ABI3: variants seen among roughly 807,000 people sequenced by gnomAD.
ABI3 encodes ABI gene family member 3.
In ABI3, 24 loss-of-function variants were observed where a neutral mutation model predicts 37.0. The observed-to-expected ratio is 0.65, with a 90% CI of 0.47 to 0.91. The LOEUF (loss-of-function observed/expected upper bound fraction) is 0.91. Ranked by LOEUF, ABI3 falls within the 40% of genes least tolerant of loss-of-function variation. The probability of loss-of-function intolerance (pLI) is 0.00; values close to 1 mark genes in which losing one functional copy is unlikely to be tolerated. For missense variants in ABI3, 481 were observed against 485.1 expected (o/e 0.99, Z 0.08); for synonymous variants, 220 against 211.8 (o/e 1.04, Z -0.34).
At chr17:49,215,271 G>A (rs993244148) in intron 1 of ABI3, among the ~76,000 whole-genome samples, 3 of 152,192 alleles carry the variant, frequency 2.0e-5, no homozygotes, top group African/African-American at 7.2e-5. Flanking sequence ...AGGGGGAGTG[G>A]TGAAGTTGGA....
At chr17:49,216,823 G>A in intron 2 of ABI3, 125 bp downstream of exon 2, 1 of 1,188,384 alleles carries the variant, frequency 8.4e-7, no homozygotes. Context: ...CAACTCTACA[G>A]CAGAAGGTTG....
chr17:49,222,250 G>A, intron 7 of ABI3, 25 bp downstream of exon 7: 1 of 1,606,372 alleles, frequency 6.2e-7, no homozygotes, highest in Non-Finnish European at 8.5e-7. Context: ...GGACTGAGGG[G>A]CACCGGATCC....
chr17:49,219,495 G>A lies in ABI3; in HGVS notation c.463-45G>A. On this transcript the variant is annotated intron_variant, in intron 3 of 7. Transcript: ENST00000225941. This position sits in a 1 kb window ranked among gnomAD's most constrained non-coding sequence, Gnocchi z 4.3. Reference sequence around the variant, plus strand: ...CCTCTTGGGGATGAGGGTGGAGGGAGGCCCCTCACCCCAAATGTAAGCCCT... The same window carrying A: ...CCTCTTGGGGATGAGGGTGGAGGGAAGCCCCTCACCCCAAATGTAAGCCCT... The A allele has an allele frequency of 2.0e-6, 3 of 1,487,678 alleles. No homozygotes were observed. The highest frequency in any genetic ancestry group is 2.4e-5 in the South Asian group (2 of 82,128). 92.2% of individuals were successfully genotyped at this position (1,487,678 alleles called of 1,614,324 possible). A position where few individuals can be genotyped will look rare whatever the true frequency, so the allele number is the denominator to read the frequency against.
In ABI3 at chr17:49,222,108, C is replaced by A; in HGVS notation, c.820C>A (p.Pro274Thr). Reference sequence around the variant, plus strand: ...CCCCCAAGACGAAGAGCTGCCCCTGCCACTGGACCTGCCTCCTCCTCCACC... The same window carrying A: ...CCCCCAAGACGAAGAGCTGCCCCTGACACTGGACCTGCCTCCTCCTCCACC... Reference protein sequence around the residue: ...PPPPDEELPLPLDLPPPPPLD... With the variant: ...PPPPDEELPLTLDLPPPPPLD... Residue 274 changes from proline to threonine, a missense_variant, in exon 7 of 8, where the codon CCA becomes ACA. Coordinates refer to ENST00000225941, the MANE Select transcript of ABI3 (RefSeq NM_016428.3). The A allele has an allele frequency of 6.2e-7, 1 of 1,609,222 alleles. No homozygotes were observed. Among genetic ancestry groups the A allele is most frequent in the Non-Finnish European group, 8.5e-7 (1 of 1,177,652 alleles).
chr17:49,216,686 C>A lies in ABI3; in HGVS notation c.273C>A (p.Ser91Arg). Residue 91 changes from serine (S) to arginine (R), a missense_variant, in exon 2 of 8, where the codon AGC becomes AGA. By Grantham distance (110) the Ser-to-Arg change is moderately radical. Coordinates refer to ENST00000225941, the MANE Select transcript of ABI3 (RefSeq NM_016428.3). Reference sequence around the variant, plus strand: ...TGCGGCAGGTGGAAGCCCGTGTAAGCACGCTGGGCCAGGTAAGGGGCGTGG... The same window carrying A: ...TGCGGCAGGTGGAAGCCCGTGTAAGAACGCTGGGCCAGGTAAGGGGCGTGG... ...AALRQVEARVSTLGQMVNMHM... is the reference protein window; with the variant it reads ...AALRQVEARVRTLGQMVNMHM... The A allele has an allele frequency of 6.4e-7, 1 of 1,569,760 alleles. No individual in the cohort carries two copies.
chr17:49,216,421 C>G, intron 1 of ABI3, 110 bp from the exon 2 acceptor site: 2 of 1,084,754 alleles, frequency 1.8e-6, no homozygotes, highest in Non-Finnish European at 2.4e-6. Context: ...GGTTGCTGCT[C>G]TCTCCCAATC....
At chr17:49,215,901 T>A (rs2043213406) in intron 1 of ABI3, among the ~76,000 whole-genome samples, 1 of 150,102 alleles carries the variant, frequency 6.7e-6, no homozygotes, top group South Asian at 2.2e-4. Flanking sequence ...GTCGGGAGTT[T>A]GAGACCAGCC....
In ABI3 at chr17:49,217,803, G is replaced by A. The variant is rs137924898; in HGVS notation, c.350G>A (p.Arg117Gln). The A allele has an allele frequency of 4.6e-4, 748 of 1,611,422 alleles. 3 individuals are homozygous for A. The African/African-American group carries it at 9.1e-3, about 20-fold the overall frequency. ...ATCGGCACCTTAGCCACTGTCCAGCGGCTGCCCCCCGGCCAGAAGGTCATC... is the reference window on the plus strand; with the variant it reads ...ATCGGCACCTTAGCCACTGTCCAGCAGCTGCCCCCCGGCCAGAAGGTCATC... The part of the protein sequence containing the change: ...REIGTLATVQ[R>Q]LPPGQKVIAP... Residue 117 changes from arginine to glutamine, a missense_variant, in exon 3 of 8, where the codon CGG becomes CAG. Arg to Gln is a conservative substitution (Grantham distance 43). Coordinates refer to ENST00000225941, the MANE Select transcript of ABI3 (RefSeq NM_016428.3).
In ABI3 at chr17:49,221,480, TAAAAC is replaced by T. The variant is rs1211727487; in HGVS notation, c.803-606_803-602del. On this transcript the variant is annotated intron_variant, in intron 6 of 7. Transcript: ENST00000225941. ...AGCGAGACTCGGTCTCAAAAAAAAATAAAACAAAATAAACTTAATCCTGAGAGGGT... is the reference window on the plus strand; with the variant it reads ...AGCGAGACTCGGTCTCAAAAAAAAATAAAATAAACTTAATCCTGAGAGGGT... Among the ~76,000 whole-genome samples, 7 of 151,622 alleles carry T rather than the reference TAAAAC, an allele frequency of 4.6e-5. No individual in the cohort carries two copies. The East Asian group carries it at 7.8e-4, about 17-fold the overall frequency.
Position 49,217,802 on chromosome 17 carries a change from C to G in ABI3, c.349C>G (p.Arg117Gly). ...GATCGGCACCTTAGCCACTGTCCAGCGGCTGCCCCCCGGCCAGAAGGTCAT... is the reference window on the plus strand; with the variant it reads ...GATCGGCACCTTAGCCACTGTCCAGGGGCTGCCCCCCGGCCAGAAGGTCAT... The part of the protein sequence containing the change: ...REIGTLATVQ[R>G]LPPGQKVIAP... Residue 117 changes from arginine (R) to glycine (G), a missense_variant, in exon 3 of 8, where the codon CGG becomes GGG. Coordinates refer to ENST00000225941, the MANE Select transcript of ABI3 (RefSeq NM_016428.3). 1 of 1,611,256 alleles carries G rather than the reference C, an allele frequency of 6.2e-7. No individual in the cohort carries two copies. Among genetic ancestry groups the G allele is most frequent in the Non-Finnish European group, 8.5e-7 (1 of 1,178,780 alleles).
chr17:49,217,673 C>A, intron 2 of ABI3, 66 bp from the exon 3 acceptor site: 1 of 1,473,856 alleles, frequency 6.8e-7, no homozygotes, highest in South Asian at 1.3e-5. Context: ...TATCTTCTTC[C>A]TCCTTAGGGG....
chr17:49,222,904 C>A lies in ABI3; in HGVS notation c.*189C>A. The A allele has an allele frequency of 1.5e-6, 1 of 675,894 alleles. No individual in the cohort carries two copies. Among genetic ancestry groups the A allele is most frequent in the Non-Finnish European group, 2.4e-6 (1 of 411,996 alleles). The allele number at this position is 675,894 out of a possible 1,614,324, so 41.9% of individuals were successfully genotyped here. A position where few individuals can be genotyped will look rare whatever the true frequency, so the allele number is the denominator to read the frequency against. On this transcript the variant is annotated 3_prime_UTR_variant, in exon 8 of 8. Transcript: ENST00000225941. ...AGAGAATTTATCCAGAGGCCTGCTG[C>A]AGATGGGGAAGAGCTGGAAACCAAG...
chr17:49,220,891 T>TAATAATA (rs982846670), intron 6 of ABI3, among the ~76,000 whole-genome samples: 23 of 139,888 alleles, frequency 1.6e-4, no homozygotes, highest in African/African-American at 5.5e-4. Context: ...ATAATAATAA[T>TAATAATA]AAACTTAATC....
At chr17:49,216,830 G>A (rs2043223783) in intron 2 of ABI3, 132 bp downstream of exon 2, 2 of 1,140,096 alleles carry the variant, frequency 1.8e-6, no homozygotes, top group Admixed American at 3.9e-5. Context: ...ACAGCAGAAG[G>A]TTGGCACTTC....
rs760476193 is a variant in ABI3, at chr17:49,219,639, G to A, written c.548+14G>A. 12 of 1,589,542 alleles carry A rather than the reference G, an allele frequency of 7.5e-6. No homozygotes were observed. Among genetic ancestry groups the A allele is most frequent in the Non-Finnish European group, 1.0e-5 (12 of 1,167,340 alleles). On this transcript the variant is annotated intron_variant, in intron 4 of 7. Transcript: ENST00000225941. This position sits in a 1 kb window ranked among gnomAD's most constrained non-coding sequence, Gnocchi z 4.3. Reference sequence around the variant, plus strand: ...CGCCACCTTGGGGTGAGGCCTCGCCGCGACGCCAACTAGCCTAGCCCTGCC... The same window carrying A: ...CGCCACCTTGGGGTGAGGCCTCGCCACGACGCCAACTAGCCTAGCCCTGCC...
Position 49,219,528 on chromosome 17 carries a change from G to T in ABI3, c.463-12G>T, listed in dbSNP as rs749265776. 1.3e-6 allele frequency: 2 copies of T among 1,592,328 alleles called. No individual in the cohort carries two copies. The highest frequency in any genetic ancestry group is 3.5e-5 in the Admixed American group (2 of 56,628). ...ACCCCAAATGTAAGCCCTACCTCCC[G>T]CTCCCTCGCAGGACCTCAGCACGCA... On this transcript the variant is annotated splice_polypyrimidine_tract_variant and intron_variant, in intron 3 of 7. Coordinates refer to ENST00000225941, the MANE Select transcript of ABI3 (RefSeq NM_016428.3). This position sits in a 1 kb window ranked among gnomAD's most constrained non-coding sequence, Gnocchi z 4.3.
chr17:49,210,771 G>A lies in ABI3; in HGVS notation c.47G>A (p.Arg16Gln), dbSNP rs747109470. Residue 16 changes from arginine (R) to glutamine (Q), a missense_variant, in exon 1 of 8, where the codon CGG becomes CAG. Physicochemically the swap from Arg to Gln is conservative, Grantham distance 43. Transcript: ENST00000225941. This position sits in a 1 kb window ranked among gnomAD's most constrained non-coding sequence, Gnocchi z 4.2. ...CAGGAGTTTGAGATCCCCACTGGCC[G>A]GGAGGCTCTGAGGGGCAACCACAGT... Reference protein sequence around the residue: ...QLQEFEIPTGREALRGNHSAL... With the variant: ...QLQEFEIPTGQEALRGNHSAL... 1.8e-5 allele frequency: 28 copies of A among 1,555,506 alleles called. No homozygotes were observed. The highest frequency in any genetic ancestry group is 7.3e-5 in the East Asian group (3 of 41,224).
Position 49,216,268 on chromosome 17 carries a change from T to G in ABI3, c.118-263T>G, listed in dbSNP as rs558092922. 2.0e-5 allele frequency among the ~76,000 whole-genome samples: 3 copies of G among 152,242 alleles called. No homozygotes were observed. The East Asian group carries it at 5.8e-4, about 29-fold the overall frequency. ...ATCTGTACTCAGTCCTCAGCTTAAC[T>G]ATTTGAGAATGGGTATCTTTCCCTC... On this transcript the variant is annotated intron_variant, in intron 1 of 7. Transcript: ENST00000225941.
chr17:49,218,201 G>C (rs571966341), intron 3 of ABI3, among the ~76,000 whole-genome samples: 2 of 152,354 alleles, frequency 1.3e-5, no homozygotes, highest in East Asian at 1.9e-4. Context: ...GTGGGAAGGG[G>C]AAGAGGGGGA....
Sources: allele counts gnomAD v4.1 joint callset (sites outside exome capture counted in the v4.1 genomes callset), GRCh38; gene constraint gnomAD v4.1.1; non-coding constraint Gnocchi (gnomAD v3.1); transcripts MANE v1.5; gene names NCBI Gene and HGNC (gene_info 2026-07-23, HGNC 2026-07-21).